CDCA7L: variants seen among roughly 807,000 people sequenced by gnomAD.
The protein encoded by CDCA7L is cell division cycle associated 7 like.
Under a neutral mutation model 57.4 loss-of-function variants are expected in CDCA7L, and 44 were observed. The observed-to-expected ratio is 0.77, with a 90% CI of 0.60 to 0.98. The LOEUF (loss-of-function observed/expected upper bound fraction) is 0.98, where lower values mean the gene tolerates loss of function less well. CDCA7L is among the 50% of genes least tolerant of loss of function. CDCA7L has a pLI of 0.00. For synonymous variants in CDCA7L, 236 were observed against 202.8 expected, an observed-to-expected ratio of 1.16 and a Z score of -1.39; for missense variants, 644 against 580.6, an observed-to-expected ratio of 1.11 and a Z score of -1.12.
intron 1 of CDCA7L, among the ~76,000 whole-genome samples, chr7:21,943,452 T>G (rs1002227221): frequency 6.6e-6 from 1 of 152,244 alleles, no homozygotes; most frequent in Non-Finnish European, 1.5e-5. Context: ...TGAGCGACAT[T>G]TGATGTGCAG....
At chr7:21,945,534 CAG>C (rs1786495560) in intron 1 of CDCA7L, among the ~76,000 whole-genome samples, 1 of 152,110 alleles carries the variant, frequency 6.6e-6, no homozygotes, top group African/African-American at 2.4e-5. Flanking sequence ...CGAGACTGAG[CAG>C]AGCGCCAGGC....
intron 7 of CDCA7L, among the ~76,000 whole-genome samples, chr7:21,904,730 G>A (rs1053395431): frequency 6.6e-6 from 1 of 152,160 alleles, no homozygotes; most frequent in African/African-American, 2.4e-5. Context: ...ACCAGTCCCT[G>A]GTGCCAAAAA....
intron 1 of CDCA7L, among the ~76,000 whole-genome samples, chr7:21,918,720 GTTC>G (rs1446572800): frequency 2.0e-5 from 3 of 152,176 alleles, no homozygotes; most frequent in African/African-American, 7.2e-5. Context: ...GAAGTGCTAT[GTTC>G]TTCCTTTGGA....
At chr7:21,919,177 A>G (rs1431935021) in intron 1 of CDCA7L, among the ~76,000 whole-genome samples, 1 of 152,094 alleles carries the variant, frequency 6.6e-6, no homozygotes, top group East Asian at 1.9e-4. Context: ...TCTCCTTCAC[A>G]AAGTAGCTGG....
At chr7:21,923,981 G>C (rs1444523050) in intron 1 of CDCA7L, among the ~76,000 whole-genome samples, 4 of 152,126 alleles carry the variant, frequency 2.6e-5, no homozygotes, top group African/African-American at 2.4e-5. Flanking sequence ...AAACTAATAA[G>C]CTATAAAAAG....
intron 4 of CDCA7L, 52 bp downstream of exon 4, chr7:21,908,078 C>A: frequency 6.7e-7 from 1 of 1,490,334 alleles, no homozygotes; most frequent in Non-Finnish European, 8.8e-7. Flanking sequence ...AGCCCAGCAA[C>A]TGCTGCCAGA....
rs776787777 is a variant in CDCA7L, at chr7:21,901,875, G to A, written c.*447C>T. 2.2e-5 allele frequency: 4 copies of A among 180,738 alleles called. No individual in the cohort carries two copies. The highest frequency in any genetic ancestry group is 3.6e-5 in the Non-Finnish European group (3 of 84,406). 11.2% of individuals were successfully genotyped at this position (180,738 alleles called of 1,614,324 possible). ...TTCAGTGTAAATTTCCAATGACCAAGAGCAGGTTAAACGATGTGTGTGGTC... is the reference window on the plus strand; with the variant it reads ...TTCAGTGTAAATTTCCAATGACCAAAAGCAGGTTAAACGATGTGTGTGGTC... On this transcript the variant is annotated 3_prime_UTR_variant, in exon 10 of 10. Transcript: ENST00000406877.
chr7:21,943,051 T>C (rs1786392168), intron 1 of CDCA7L, among the ~76,000 whole-genome samples: 1 of 152,216 alleles, frequency 6.6e-6, no homozygotes, highest in Admixed American at 6.5e-5. Context: ...TGACATTCAG[T>C]GCCTACCAGT....
chr7:21,922,496 G>A lies in CDCA7L; in HGVS notation c.25-5602C>T, dbSNP rs557717292. Among the ~76,000 whole-genome samples the A allele has an allele frequency of 1.1e-3, 167 of 152,298 alleles. 1 individual carries two copies. The highest frequency in any genetic ancestry group is 0.01 in the Middle Eastern group (3 of 294). ...ACATTCCCAGAGAACCTGAGAATCTGAGTGTTGGTAAGAAACTTCCCATCT... is the reference window on the plus strand; with the variant it reads ...ACATTCCCAGAGAACCTGAGAATCTAAGTGTTGGTAAGAAACTTCCCATCT... On this transcript the variant is annotated intron_variant, in intron 1 of 9. Transcript: ENST00000406877.
chr7:21,945,677 G>C, intron 1 of CDCA7L, 104 bp downstream of exon 1: 1 of 1,435,440 alleles, frequency 7.0e-7, no homozygotes, highest in Non-Finnish European at 9.6e-7. Context: ...CCCCAGTGCC[G>C]CAGCCAAGGG....
Position 21,904,273 on chromosome 7 carries a change from G to A in CDCA7L, c.1048-14C>T. The A allele has an allele frequency of 6.3e-7, 1 of 1,585,800 alleles. No homozygotes were observed. Among genetic ancestry groups the A allele is most frequent in the Non-Finnish European group, 8.6e-7 (1 of 1,166,912 alleles). ...GCACGTGTTACCCTACAGGGGGAAG[G>A]CAGTGAGCAGGTGAACACAGGGATA... On this transcript the variant is annotated splice_polypyrimidine_tract_variant and intron_variant, in intron 7 of 9. Transcript: ENST00000406877.
intron 1 of CDCA7L, among the ~76,000 whole-genome samples, chr7:21,920,175 A>C (rs943101154): frequency 6.6e-6 from 1 of 152,230 alleles, no homozygotes; most frequent in African/African-American, 2.4e-5. Context: ...GCAAATATCA[A>C]CACAGCAAAA....
intron 2 of CDCA7L, 29 bp downstream of exon 2, chr7:21,916,723 AAC>A: frequency 6.2e-7 from 1 of 1,604,114 alleles, no homozygotes; most frequent in Non-Finnish European, 8.5e-7. Context: ...CCTCCAGATG[AAC>A]ACATCTGCTT....
At chr7:21,911,148 G>A (rs1039651437) in intron 3 of CDCA7L, among the ~76,000 whole-genome samples, 5 of 147,822 alleles carry the variant, frequency 3.4e-5, no homozygotes, top group African/African-American at 7.5e-5. Flanking sequence ...TCCTGCCTCC[G>A]CCTCCCGAGT....
intron 8 of CDCA7L, among the ~76,000 whole-genome samples, chr7:21,903,537 C>A (rs2128056307): frequency 6.8e-6 from 1 of 146,232 alleles, no homozygotes; most frequent in African/African-American, 2.6e-5. Context: ...CAGTTGAGGA[C>A]CATATATTTA....
chr7:21,939,086 G>C (rs994487519), intron 1 of CDCA7L, among the ~76,000 whole-genome samples: 1 of 152,156 alleles, frequency 6.6e-6, no homozygotes, highest in Non-Finnish European at 1.5e-5. Flanking sequence ...TAAGTGAAAT[G>C]AGCCAGTGAC....
chr7:21,901,406 A>AAAATACTAGAAAC lies in CDCA7L; in HGVS notation c.*903_*915dup, dbSNP rs1562615351. The AAAATACTAGAAAC allele has an allele frequency of 8.9e-7, 1 of 1,121,054 alleles. No homozygotes were observed. The highest frequency in any genetic ancestry group is 3.5e-5 in the Admixed American group (1 of 28,582). 69.4% of individuals were successfully genotyped at this position (1,121,054 alleles called of 1,614,324 possible). ...CTATCCTTAGAGTGAAAGTCAGAAA[A>AAAATACTAGAAAC]AAATACTAGAAACTAACTCAGGGCT... On this transcript the variant is annotated 3_prime_UTR_variant, in exon 10 of 10. Coordinates refer to ENST00000406877, the MANE Select transcript of CDCA7L (RefSeq NM_018719.5).
chr7:21,912,980 C>G (rs954049988), intron 2 of CDCA7L, among the ~76,000 whole-genome samples: 3 of 152,062 alleles, frequency 2.0e-5, no homozygotes, highest in African/African-American at 7.2e-5. Context: ...CCTGCAAGCC[C>G]GCCACACCTC....
intron 1 of CDCA7L, chr7:21,944,975 C>G (rs1338751528): frequency 2.0e-5 from 3 of 151,458 alleles, no homozygotes; most frequent in South Asian, 2.1e-4. Context: ...ATTTTTAGTT[C>G]TTATGAAAAA....
Sources: allele counts gnomAD v4.1 joint callset (sites outside exome capture counted in the v4.1 genomes callset), GRCh38; gene constraint gnomAD v4.1.1; transcripts MANE v1.5; gene names NCBI Gene and HGNC (gene_info 2026-07-23, HGNC 2026-07-21).